The following KPNA6 variants were observed in gnomAD, a reference collection of about 807,000 sequenced individuals.
KPNA6 encodes karyopherin subunit alpha 6.
Under a neutral mutation model 72.0 loss-of-function variants are expected in KPNA6, and 9 were observed. That is an observed-to-expected ratio of 0.13 (90% CI 0.08 to 0.22). KPNA6 has a LOEUF of 0.22. Among genes scored for constraint, KPNA6 ranks in the 10% least tolerant of loss-of-function variants. The pLI is 1.00. For missense variants in KPNA6, 374 were observed against 655.7 expected, an observed-to-expected ratio of 0.57 and a Z score of 4.69; for synonymous variants, 219 against 242.1, an observed-to-expected ratio of 0.90 and a Z score of 0.89.
chr1:32,144,932 C>T (rs1641903968), intron 1 of KPNA6, among the ~76,000 whole-genome samples: 1 of 151,776 alleles, frequency 6.6e-6, no homozygotes, highest in Non-Finnish European at 1.5e-5. Context: ...AGGCGTAAGC[C>T]ACCGCGCCTG....
chr1:32,162,575 G>A (rs1369681932), intron 9 of KPNA6, 51 bp downstream of exon 9: 3 of 1,598,240 alleles, frequency 1.9e-6, no homozygotes, highest in Admixed American at 3.3e-5. Context: ...GGTGGCTTAT[G>A]CTTATAATCC....
intron 1 of KPNA6, among the ~76,000 whole-genome samples, chr1:32,128,387 T>TATATATATATATA: frequency 1.4e-5 from 1 of 72,168 alleles, no homozygotes; most frequent in South Asian, 4.8e-4. Context: ...ATATATGTAT[T>TATATATATATATA]TATATATATA....
intron 1 of KPNA6, among the ~76,000 whole-genome samples, chr1:32,150,127 CT>C (rs35179721): frequency 0.038 from 3,304 of 87,054 alleles, 30 homozygotes; most frequent in African/African-American, 0.079. Context: ...AATTTTTAGT[CT>C]TTTTTTTTTT....
chr1:32,147,887 T>TG (rs1261064991), intron 1 of KPNA6, among the ~76,000 whole-genome samples: 1 of 151,984 alleles, frequency 6.6e-6, no homozygotes, highest in Non-Finnish European at 1.5e-5. Flanking sequence ...CTTGAACTCT[T>TG]GGTCTCCAAC....
chr1:32,150,111 C>A (rs1457588035), intron 1 of KPNA6, among the ~76,000 whole-genome samples: 1 of 138,296 alleles, frequency 7.2e-6, no homozygotes, highest in South Asian at 2.3e-4. Context: ...GGGATTAGAT[C>A]TGGAAAATTT....
chr1:32,138,979 C>T (rs999870435), intron 1 of KPNA6, among the ~76,000 whole-genome samples: 5 of 152,094 alleles, frequency 3.3e-5, no homozygotes, highest in African/African-American at 1.2e-4. Flanking sequence ...AGAAATTCTT[C>T]TGTAGTCTGC....
chr1:32,154,238 T>G (rs765425584), intron 1 of KPNA6, among the ~76,000 whole-genome samples: 6 of 152,084 alleles, frequency 3.9e-5, no homozygotes, highest in Non-Finnish European at 7.4e-5. Context: ...CCTGTTTTAT[T>G]AAAGATTAAA....
intron 1 of KPNA6, among the ~76,000 whole-genome samples, chr1:32,134,208 G>A (rs1231071555): frequency 2.0e-5 from 3 of 150,086 alleles, no homozygotes; most frequent in East Asian, 2.0e-4. Context: ...AGTGAGCCGA[G>A]ATTGCACCAT....
chr1:32,119,033 T>TATATATATATATATA (rs1491488662), intron 1 of KPNA6, among the ~76,000 whole-genome samples: 6 of 36,812 alleles, frequency 1.6e-4, no homozygotes, highest in African/African-American at 2.9e-4. Flanking sequence ...TATATATATA[T>TATATATATATATATA]TTTTTTTTTT....
intron 1 of KPNA6, among the ~76,000 whole-genome samples, chr1:32,142,472 G>A (rs1641857221): frequency 6.6e-6 from 1 of 152,000 alleles, no homozygotes; most frequent in East Asian, 1.9e-4. Flanking sequence ...CGCGTTTTGA[G>A]GTATTGGGGT....
chr1:32,118,707 G>C (rs757365108), intron 1 of KPNA6, among the ~76,000 whole-genome samples: 1 of 151,848 alleles, frequency 6.6e-6, no homozygotes, highest in Non-Finnish European at 1.5e-5. Flanking sequence ...CAGAAGGATC[G>C]TTTGAACCTA....
At chr1:32,114,451 A>ATAT (rs1553125090) in intron 1 of KPNA6, among the ~76,000 whole-genome samples, 18 of 145,562 alleles carry the variant, frequency 1.2e-4, no homozygotes, top group African/African-American at 2.3e-4. Context: ...CAAAAAAAAA[A>ATAT]ATATATATAT....
At chr1:32,119,033 T>TATATATATATATATATA (rs1491488662) in intron 1 of KPNA6, among the ~76,000 whole-genome samples, 1 of 36,816 alleles carries the variant, frequency 2.7e-5, no homozygotes, top group Non-Finnish European at 4.9e-5. Flanking sequence ...TATATATATA[T>TATATATATATATATATA]TTTTTTTTTT....
intron 13 of KPNA6, among the ~76,000 whole-genome samples, chr1:32,170,381 C>T (rs1642414035): frequency 6.6e-6 from 1 of 152,202 alleles, no homozygotes; most frequent in Non-Finnish European, 1.5e-5. Context: ...GGTCAGTTCT[C>T]TTTCTGATAG....
intron 1 of KPNA6, among the ~76,000 whole-genome samples, chr1:32,108,862 C>T (rs993286653): frequency 6.6e-6 from 1 of 152,168 alleles, no homozygotes; most frequent in Non-Finnish European, 1.5e-5. Flanking sequence ...TGAGGGGACT[C>T]CGGCTGGCAA....
intron 10 of KPNA6, among the ~76,000 whole-genome samples, chr1:32,164,801 T>C (rs969077841): frequency 1.3e-5 from 2 of 152,114 alleles, no homozygotes; most frequent in African/African-American, 4.8e-5. Flanking sequence ...GTTCTGGATA[T>C]TAATCTCTTA....
At chr1:32,119,024 A>ATTTTTT (rs1557457192) in intron 1 of KPNA6, among the ~76,000 whole-genome samples, 2 of 74,344 alleles carry the variant, frequency 2.7e-5, no homozygotes, top group Non-Finnish European at 4.5e-5. Context: ...ATATATATAT[A>ATTTTTT]TATATATATT....
At position 32,171,466 on chromosome 1, in the gene KPNA6, T is replaced by C. The variant is rs1642435746; in HGVS notation, c.*572T>C. On this transcript the variant is annotated 3_prime_UTR_variant, in exon 14 of 14. Transcript: ENST00000373625. ...TGAGTTATTTAATTTTTTTTTCTTT[T>C]GCACATTTTTCTTGTATTAAGATTG... is the stretch of plus-strand genomic sequence containing the variant. The C allele has an allele frequency of 6.6e-6, 1 of 152,156 alleles. No homozygotes were observed. Among genetic ancestry groups the C allele is most frequent in the African/African-American group, 2.4e-5 (1 of 41,404 alleles). 9.4% of individuals were successfully genotyped at this position (152,156 alleles called of 1,614,324 possible).
At chr1:32,162,552 T>G in intron 9 of KPNA6, 28 bp downstream of exon 9, 1 of 1,612,488 alleles carries the variant, frequency 6.2e-7, no homozygotes, top group East Asian at 2.2e-5. Context: ...GGGTACAGGT[T>G]CTGGCTGGGC....
Sources: allele counts gnomAD v4.1 joint callset (sites outside exome capture counted in the v4.1 genomes callset), GRCh38; gene constraint gnomAD v4.1.1; transcripts MANE v1.5; gene names NCBI Gene and HGNC (gene_info 2026-07-23, HGNC 2026-07-21).